The following CFAP36 variants were observed in gnomAD, a reference collection of about 807,000 sequenced individuals.
The protein encoded by CFAP36 is cilia and flagella associated protein 36, also known as cilia- and flagella-associated protein 36.
CFAP36 carries 37 observed loss-of-function variants against 50.5 expected under a neutral mutation model. That is an observed-to-expected ratio of 0.73 (90% CI 0.56 to 0.96). The LOEUF (loss-of-function observed/expected upper bound fraction) is 0.96. Among genes scored for constraint, CFAP36 ranks in the 50% least tolerant of loss-of-function variants. CFAP36 has a pLI of 0.00. For synonymous variants in CFAP36, 138 were observed against 128.2 expected (o/e 1.08, Z -0.52); for missense variants, 407 against 396.2 (o/e 1.03, Z -0.23).
intron 5 of CFAP36, 108 bp downstream of exon 5, chr2:55,534,068 A>G: frequency 1.9e-6 from 1 of 528,740 alleles, no homozygotes; most frequent in South Asian, 3.6e-5. Context: ...TAAATTCTCT[A>G]CTGAAAACCA....
chr2:55,520,569 T>C (rs1331688735), intron 1 of CFAP36: 5 of 971,488 alleles, frequency 5.1e-6, no homozygotes, highest in Non-Finnish European at 7.3e-6. Flanking sequence ...TATGGCATAA[T>C]ATTCCCCGTG....
intron 2 of CFAP36, among the ~76,000 whole-genome samples, chr2:55,523,438 G>GA (rs1033752855): frequency 2.0e-5 from 3 of 149,070 alleles, no homozygotes; most frequent in East Asian, 2.0e-4. Flanking sequence ...AAGAAAAGAA[G>GA]AAAAAAAAAT....
At chr2:55,523,956 C>A in intron 3 of CFAP36, 134 bp downstream of exon 3, 2 of 541,256 alleles carry the variant, frequency 3.7e-6, no homozygotes, top group South Asian at 4.6e-5. Context: ...GATAATTCAT[C>A]ACATATGAGT....
intron 6 of CFAP36, among the ~76,000 whole-genome samples, chr2:55,536,971 G>T (rs887051753): frequency 1.3e-5 from 2 of 152,006 alleles, no homozygotes; most frequent in Non-Finnish European, 2.9e-5. Flanking sequence ...TCGAACTCCT[G>T]ACCTCAGGTG....
chr2:55,542,640 T>A (rs1223724145), intron 7 of CFAP36, among the ~76,000 whole-genome samples: 1 of 152,168 alleles, frequency 6.6e-6, no homozygotes, highest in Non-Finnish European at 1.5e-5. Context: ...CGTATGTTCA[T>A]AATTAACAAA....
At chr2:55,543,837 A>C in intron 7 of CFAP36, 101 bp from the exon 8 acceptor site, 1 of 1,164,028 alleles carries the variant, frequency 8.6e-7, no homozygotes, top group South Asian at 1.4e-5. Flanking sequence ...TATGAGGAAA[A>C]ACAAGTATTA....
intron 4 of CFAP36, among the ~76,000 whole-genome samples, chr2:55,531,482 T>C (rs1334836529): frequency 6.6e-6 from 1 of 152,144 alleles, no homozygotes. Context: ...GAACAAGAAG[T>C]CCAGAGGAAG....
chr2:55,537,368 C>G, intron 6 of CFAP36, 115 bp from the exon 7 acceptor site: 3 of 708,886 alleles, frequency 4.2e-6, no homozygotes. Flanking sequence ...GAGACTCTGT[C>G]TCAAAAGAAA....
chr2:55,538,016 T>C (rs181063751), intron 7 of CFAP36, among the ~76,000 whole-genome samples: 6 of 152,358 alleles, frequency 3.9e-5, no homozygotes, highest in Admixed American at 3.3e-4. Context: ...GGTAGCCATT[T>C]TGTCCAGATA....
At position 55,522,419 on chromosome 2, in the gene CFAP36, T is replaced by C. The variant is rs576847724; in HGVS notation, c.180+253T>C. 2.7e-3 allele frequency among the ~76,000 whole-genome samples: 415 copies of C among 152,348 alleles called. 3 individuals carry two copies. The highest frequency in any genetic ancestry group is 9.2e-3 in the African/African-American group (383 of 41,580). ...TCTTGCATGTATTCTTTATATCTTATTCTTATTTTGTTGACGCATCCAGGG... is the reference window on the plus strand; with the variant it reads ...TCTTGCATGTATTCTTTATATCTTACTCTTATTTTGTTGACGCATCCAGGG... On this transcript the variant is annotated intron_variant, in intron 2 of 9. Coordinates refer to ENST00000349456, the MANE Select transcript of CFAP36 (RefSeq NM_080667.7).
At chr2:55,522,319 C>T (rs1178423806) in intron 2 of CFAP36, among the ~76,000 whole-genome samples, 153 bp downstream of exon 2, 1 of 152,196 alleles carries the variant, frequency 6.6e-6, no homozygotes, top group African/African-American at 2.4e-5. Context: ...TCTGTCTCCA[C>T]AGGTGCTCTG....
intron 5 of CFAP36, 45 bp from the exon 6 acceptor site, chr2:55,535,667 C>A: frequency 1.4e-6 from 2 of 1,421,182 alleles, no homozygotes; most frequent in South Asian, 2.9e-5. Flanking sequence ...GTTCTTTGAC[C>A]AAAAAAGGAA....
intron 3 of CFAP36, among the ~76,000 whole-genome samples, chr2:55,526,056 G>T (rs981820431): frequency 1.3e-5 from 2 of 152,152 alleles, no homozygotes; most frequent in Non-Finnish European, 2.9e-5. Flanking sequence ...CATTATCAGG[G>T]CCTGGTTGAA....
chr2:55,530,711 C>T (rs974059977), intron 4 of CFAP36, among the ~76,000 whole-genome samples: 27 of 152,194 alleles, frequency 1.8e-4, no homozygotes, highest in Admixed American at 9.8e-4. Flanking sequence ...CCCAGATTAT[C>T]ATCTCTGTTT....
chr2:55,532,611 C>A (rs1684382796), intron 4 of CFAP36, among the ~76,000 whole-genome samples: 1 of 152,186 alleles, frequency 6.6e-6, no homozygotes, highest in Non-Finnish European at 1.5e-5. Context: ...GATGTTACCA[C>A]TTGGGGAAGC....
intron 6 of CFAP36, among the ~76,000 whole-genome samples, chr2:55,536,191 G>T (rs1684482945): frequency 6.7e-6 from 1 of 149,918 alleles, no homozygotes; most frequent in Admixed American, 6.7e-5. Flanking sequence ...GGAGTGCAGT[G>T]GTGTGATCTT....
At chr2:55,521,774 C>T (rs776855515) in intron 1 of CFAP36, among the ~76,000 whole-genome samples, 3 of 151,704 alleles carry the variant, frequency 2.0e-5, no homozygotes, top group African/African-American at 7.3e-5. Context: ...GGTCTACAGG[C>T]GCGCACAACC....
intron 4 of CFAP36, among the ~76,000 whole-genome samples, chr2:55,529,321 C>T (rs1684294338): frequency 6.6e-6 from 1 of 151,796 alleles, no homozygotes; most frequent in South Asian, 2.1e-4. Flanking sequence ...ACTTGGGAGG[C>T]TGAGGCAGGA....
chr2:55,545,010 A>T lies in CFAP36; in HGVS notation c.*2A>T, dbSNP rs754709438. ...AAAGAAGAAGTTATTAATAAGTAATAATTAAGAACAATTTAACAAAATGGA... is the reference window on the plus strand; with the variant it reads ...AAAGAAGAAGTTATTAATAAGTAATTATTAAGAACAATTTAACAAAATGGA... On this transcript the variant is annotated 3_prime_UTR_variant, in exon 10 of 10. Coordinates refer to ENST00000349456, the MANE Select transcript of CFAP36 (RefSeq NM_080667.7). The T allele has an allele frequency of 1.4e-6, 2 of 1,475,672 alleles. No individual in the cohort carries two copies. Among genetic ancestry groups the T allele is most frequent in the East Asian group, 2.3e-5 (1 of 42,882 alleles). 91.4% of individuals were successfully genotyped at this position (1,475,672 alleles called of 1,614,324 possible).
Sources: gnomAD v4.1 joint callset for allele counts (sites outside exome capture counted in the v4.1 genomes callset) on GRCh38, gnomAD v4.1.1 for gene constraint, MANE v1.5 for transcripts, NCBI Gene and HGNC (gene_info 2026-07-23, HGNC 2026-07-21) for gene names.